Variants in GPX6 observed in about 807,000 individuals in gnomAD.
GPX6 encodes glutathione peroxidase 6 (olfactory).
In GPX6, 21 loss-of-function variants were observed where a neutral mutation model predicts 20.0. That is an observed-to-expected ratio of 1.05 (90% CI 0.74 to 1.51). The LOEUF is 1.51. GPX6 is among the 40% of genes most tolerant of loss of function. The pLI, the probability that GPX6 is intolerant of heterozygous loss-of-function variation, is 0.00. For synonymous variants in GPX6, 75 were observed against 98.0 expected (o/e 0.77, Z 1.38); for missense variants, 233 against 254.7 (o/e 0.91, Z 0.58).
Position 28,515,051 on chromosome 6 carries a change from T to A in GPX6, c.87+606A>T, listed in dbSNP as rs541495988. Among the ~76,000 whole-genome samples the A allele has an allele frequency of 5.9e-5, 9 of 152,198 alleles. No individual in the cohort carries two copies. The East Asian group carries it at 7.7e-4, about 13-fold the overall frequency. On this transcript the variant is annotated intron_variant, in intron 1 of 4. Transcript: ENST00000361902. ...GAACAAAGCCTACTCTGAGCTGAGC[T>A]TTGTCTCTACCTCACCTCATGACCT...
At chr6:28,505,347 A>G (rs1762797772) in intron 4 of GPX6, among the ~76,000 whole-genome samples, 1 of 152,210 alleles carries the variant, frequency 6.6e-6, no homozygotes, top group African/African-American at 2.4e-5. Flanking sequence ...CATTTACCAC[A>G]TGGTATTCTG....
chr6:28,505,765 G>A lies in GPX6; in HGVS notation c.397C>T (p.Gln133Ter). Reference protein sequence around the residue: ...CPGSGFVPSFQLFEKGDVNGE... With the variant: ...CPGSGFVPSF ...TTCACATCCCCTTTCTCAAAGAGCT[G>A]GAAACTGGGGACAAAGCCACTACCT... Residue 133 changes from glutamine to a stop codon, truncating the protein, a stop_gained, in exon 4 of 5, where the codon CAG (glutamine) becomes TAG (stop). Transcript: ENST00000361902. LOFTEE classifies it high-confidence loss of function. 1.2e-6 allele frequency: 2 copies of A among 1,613,948 alleles called. No homozygotes were observed. The highest frequency in any genetic ancestry group is 1.7e-5 in the Admixed American group (1 of 60,012).
At chr6:28,513,201 T>A (rs1395751286) in intron 1 of GPX6, among the ~76,000 whole-genome samples, 1 of 152,208 alleles carries the variant, frequency 6.6e-6, no homozygotes, top group Non-Finnish European at 1.5e-5. Flanking sequence ...GTGATCCGAT[T>A]CTTCTCGTAA....
chr6:28,507,099 C>A (rs927374881), intron 2 of GPX6, among the ~76,000 whole-genome samples: 1 of 152,184 alleles, frequency 6.6e-6, no homozygotes, highest in African/African-American at 2.4e-5. Context: ...GGACGCCAGG[C>A]CATAAACTCC....
At chr6:28,511,644 A>T (rs1762877349) in intron 1 of GPX6, among the ~76,000 whole-genome samples, 1 of 152,256 alleles carries the variant, frequency 6.6e-6, no homozygotes, top group Non-Finnish European at 1.5e-5. Context: ...GTGGAGAGCA[A>T]TGCACCATCG....
chr6:28,511,053 A>G, intron 1 of GPX6, 149 bp from the exon 2 acceptor site: 1 of 617,038 alleles, frequency 1.6e-6, no homozygotes, highest in East Asian at 3.0e-5. Context: ...ATTTTTAGTT[A>G]GAGCTGATGC....
chr6:28,512,524 G>A (rs1319261914), intron 1 of GPX6, among the ~76,000 whole-genome samples: 1 of 152,112 alleles, frequency 6.6e-6, no homozygotes, highest in Non-Finnish European at 1.5e-5. Flanking sequence ...GCACCAATCC[G>A]CACCCTGTCA....
intron 1 of GPX6, 32 bp from the exon 2 acceptor site, chr6:28,510,936 T>G (rs1193280561): frequency 6.4e-7 from 1 of 1,564,818 alleles, no homozygotes; most frequent in Non-Finnish European, 8.7e-7. Context: ...CATAACGATA[T>G]AAGATAAAAA....
chr6:28,513,361 TC>T (rs1762948892), intron 1 of GPX6, among the ~76,000 whole-genome samples: 1 of 152,146 alleles, frequency 6.6e-6, no homozygotes, highest in South Asian at 2.1e-4. Context: ...AAACATTCAC[TC>T]CTAGACACTG....
chr6:28,507,040 A>G (rs751663074), intron 2 of GPX6, among the ~76,000 whole-genome samples: 8 of 152,054 alleles, frequency 5.3e-5, no homozygotes, highest in Non-Finnish European at 1.0e-4. Context: ...CCCTCTCCTC[A>G]ATTCCAGTGA....
rs773059427 is a variant in GPX6, at chr6:28,510,921, AT to A, written c.88-18del. ...GCAATCCACCTGGAATTTTACAAAA[AT>A]AACCATAACGATATAAGATAAAAAA... On this transcript the variant is annotated intron_variant, in intron 1 of 4. Transcript: ENST00000361902. The A allele has an allele frequency of 6.3e-7, 1 of 1,587,342 alleles. No homozygotes were observed. The highest frequency in any genetic ancestry group is 8.6e-7 in the Non-Finnish European group (1 of 1,163,942).
In GPX6 at chr6:28,515,664, T is replaced by A; in HGVS notation, c.80A>T (p.Asn27Ile). 3 of 1,613,608 alleles carry A rather than the reference T, an allele frequency of 1.9e-6. No homozygotes were observed. Among genetic ancestry groups the A allele is most frequent in the African/African-American group, 1.3e-5 (1 of 74,984 alleles). Residue 27 changes from asparagine to isoleucine, a missense_variant, in exon 1 of 5, where the codon AAT becomes ATT. Physicochemically the swap from Asn to Ile is moderately radical, Grantham distance 149. Coordinates refer to ENST00000361902, the MANE Select transcript of GPX6 (RefSeq NM_182701.1). ...GFAQQTLKPQ[N>I]RKVDCNKGVT... ...CCCCTGCCCCATGCTCACCTTCCTA[T>A]TTTGAGGCTTTAGGGTCTGCTGAGC...
chr6:28,506,804 C>T (rs1162161431), intron 2 of GPX6, among the ~76,000 whole-genome samples: 1 of 151,606 alleles, frequency 6.6e-6, no homozygotes, highest in Non-Finnish European at 1.5e-5. Flanking sequence ...CCACTGTCTT[C>T]CTTAGTTGAT....
chr6:28,504,273 T>C lies in GPX6; in HGVS notation c.*19A>G, dbSNP rs1762784587. 6.2e-7 allele frequency: 1 copy of C among 1,606,788 alleles called. No individual in the cohort carries two copies. ...AGGTGGGAGACAGGGTAGTTATTTCTGTCAGTCGCTAGCCCTTCCTAGTGG... is the reference window on the plus strand; with the variant it reads ...AGGTGGGAGACAGGGTAGTTATTTCCGTCAGTCGCTAGCCCTTCCTAGTGG... On this transcript the variant is annotated 3_prime_UTR_variant, in exon 5 of 5. Coordinates refer to ENST00000361902, the MANE Select transcript of GPX6 (RefSeq NM_182701.1).
At chr6:28,510,932 G>A (rs776736375) in intron 1 of GPX6, 28 bp from the exon 2 acceptor site, 1 of 1,566,290 alleles carries the variant, frequency 6.4e-7, no homozygotes, top group South Asian at 1.2e-5. Flanking sequence ...TAACCATAAC[G>A]ATATAAGATA....
chr6:28,512,179 G>A (rs1762892065), intron 1 of GPX6, among the ~76,000 whole-genome samples: 1 of 152,266 alleles, frequency 6.6e-6, no homozygotes. Flanking sequence ...GCGGGCGCAG[G>A]GCGCGGGACT....
intron 2 of GPX6, among the ~76,000 whole-genome samples, chr6:28,509,167 T>C (rs1387440328): frequency 2.0e-5 from 3 of 152,178 alleles, no homozygotes; most frequent in African/African-American, 7.2e-5. Flanking sequence ...AGGGTTTATA[T>C]ATTTTTGATC....
At position 28,513,394 on chromosome 6, in the gene GPX6, A is replaced by G. The variant is rs567996331; in HGVS notation, c.87+2263T>C. Among the ~76,000 whole-genome samples the G allele has an allele frequency of 1.4e-4, 22 of 152,216 alleles. No homozygotes were observed. In the South Asian group the frequency reaches 3.5e-3, roughly 24 times the overall value. On this transcript the variant is annotated intron_variant, in intron 1 of 4. Transcript: ENST00000361902. Reference sequence around the variant, plus strand: ...ACTGCCTTAAGGTTGGAGCTCCACAATCTGCTAGTTTGTATGCTCCCCCTC... The same window carrying G: ...ACTGCCTTAAGGTTGGAGCTCCACAGTCTGCTAGTTTGTATGCTCCCCCTC...
At chr6:28,504,628 T>C (rs1024875798) in intron 4 of GPX6, 130 bp from the exon 5 acceptor site, 6 of 780,878 alleles carry the variant, frequency 7.7e-6, no homozygotes, top group Non-Finnish European at 1.2e-5. Flanking sequence ...TTAACTACTT[T>C]GCATGCTTCC....
Sources: allele counts gnomAD v4.1 joint callset (sites outside exome capture counted in the v4.1 genomes callset), GRCh38; gene constraint gnomAD v4.1.1; transcripts MANE v1.5; gene names NCBI Gene and HGNC (gene_info 2026-07-23, HGNC 2026-07-21).